The following CRADD variants were observed in gnomAD, a reference collection of about 807,000 sequenced individuals.
The protein encoded by CRADD is death domain-containing protein CRADD.
Under a neutral mutation model 15.5 loss-of-function variants are expected in CRADD, and 9 were observed. That is an observed-to-expected ratio of 0.58 (90% CI 0.35 to 1.01). The LOEUF is 1.01. Among genes scored for constraint, CRADD ranks in the 50% least tolerant of loss-of-function variants. The pLI, the probability that CRADD is intolerant of heterozygous loss-of-function variation, is 0.02. For synonymous variants in CRADD, 118 were observed against 107.6 expected (o/e 1.10, Z -0.60); for missense variants, 227 against 250.3 (o/e 0.91, Z 0.63).
At chr12:93,837,234 A>G in intron 2 of CRADD, 1 of 150,184 alleles carries the variant, frequency 6.7e-6, no homozygotes, top group Non-Finnish European at 1.5e-5. Flanking sequence ...TGTACCAGAT[A>G]TTCATTTCAC....
At position 93,857,975 on chromosome 12, in the gene CRADD, C is replaced by T. The variant is rs1410813972; in HGVS notation, c.299-36075C>T. Among the ~76,000 whole-genome samples, 4 of 152,370 alleles carry T rather than the reference C, an allele frequency of 2.6e-5. No homozygotes were observed. The South Asian group carries it at 8.3e-4, about 32-fold the overall frequency. ...CAACAATATATTTTTGTCCAACCAT[C>T]TGCTTGAATCAAGTTTCTGTCAGCC... On this transcript the variant is annotated intron_variant, in intron 2 of 2. Coordinates refer to the CRADD transcript ENST00000548483.
At chr12:93,874,010 G>C (rs964293087) in intron 2 of CRADD, among the ~76,000 whole-genome samples, 3 of 152,074 alleles carry the variant, frequency 2.0e-5, no homozygotes, top group Admixed American at 1.3e-4. Flanking sequence ...AATAGTTTGA[G>C]TAGGATTAGT....
At chr12:93,862,340 A>C (rs1958325484) in intron 2 of CRADD, among the ~76,000 whole-genome samples, 1 of 152,262 alleles carries the variant, frequency 6.6e-6, no homozygotes. Context: ...ATTCCAAGGC[A>C]ACATTGAAGT....
intron 2 of CRADD, among the ~76,000 whole-genome samples, chr12:93,748,327 T>C (rs1304244331): frequency 1.3e-5 from 2 of 152,086 alleles, no homozygotes; most frequent in Non-Finnish European, 2.9e-5. Context: ...TTATTTGAGA[T>C]GGAGTTTCAC....
intron 2 of CRADD, among the ~76,000 whole-genome samples, chr12:93,833,856 C>T (rs1214999178): frequency 6.6e-6 from 1 of 151,764 alleles, no homozygotes; most frequent in African/African-American, 2.4e-5. Context: ...GTGGTAGGCA[C>T]TGTTGCTGTT....
At chr12:93,732,114 C>T (rs536069390) in intron 2 of CRADD, among the ~76,000 whole-genome samples, 3 of 143,642 alleles carry the variant, frequency 2.1e-5, no homozygotes, top group Middle Eastern at 3.8e-3. Context: ...CCAGCCTGGG[C>T]GACAAGAGTG....
intron 2 of CRADD, among the ~76,000 whole-genome samples, chr12:93,857,886 A>G (rs1958288284): frequency 6.6e-6 from 1 of 152,214 alleles, no homozygotes; most frequent in Non-Finnish European, 1.5e-5. Flanking sequence ...CACATTGGAG[A>G]TAGTTGATTT....
intron 2 of CRADD, among the ~76,000 whole-genome samples, chr12:93,841,991 C>T (rs1016738733): frequency 3.3e-5 from 5 of 151,886 alleles, no homozygotes; most frequent in East Asian, 1.9e-4. Context: ...CAGTCACCGT[C>T]GTAAATAAAA....
intron 2 of CRADD, among the ~76,000 whole-genome samples, chr12:93,760,017 A>ATTGGATTAACCCAGCCC (rs1369163900): frequency 6.6e-6 from 1 of 152,184 alleles, no homozygotes; most frequent in Non-Finnish European, 1.5e-5. Flanking sequence ...TAATTGTATA[A>ATTGGATTAACCCAGCCC]TTGGATTAAC....
chr12:93,688,964 G>T (rs1335573016), intron 2 of CRADD, among the ~76,000 whole-genome samples: 1 of 152,092 alleles, frequency 6.6e-6, no homozygotes, highest in Non-Finnish European at 1.5e-5. Context: ...GCTGATTCCT[G>T]GTTGGTATCT....
intron 2 of CRADD, among the ~76,000 whole-genome samples, chr12:93,789,723 G>T (rs1402738292): frequency 6.6e-6 from 1 of 151,784 alleles, no homozygotes; most frequent in Non-Finnish European, 1.5e-5. Flanking sequence ...CAAATTGCAT[G>T]CTTTAAATAT....
At chr12:93,891,799 G>A (rs1275144617) in intron 2 of CRADD, among the ~76,000 whole-genome samples, 1 of 152,122 alleles carries the variant, frequency 6.6e-6, no homozygotes, top group East Asian at 1.9e-4. Context: ...TTCAGAATCT[G>A]GGCTCCTCGC....
intron 2 of CRADD, chr12:93,714,885 C>T (rs1225271101): frequency 6.6e-6 from 1 of 152,182 alleles, no homozygotes; most frequent in East Asian, 1.9e-4. Context: ...TGAATGTTTG[C>T]TCTTCTAGAC....
intron 2 of CRADD, among the ~76,000 whole-genome samples, chr12:93,720,158 T>A (rs1215930071): frequency 1.3e-5 from 2 of 152,190 alleles, no homozygotes; most frequent in East Asian, 3.8e-4. Flanking sequence ...AATATTTTTT[T>A]AAATTATCTT....
intron 2 of CRADD, among the ~76,000 whole-genome samples, chr12:93,788,043 C>T (rs1957299485): frequency 6.6e-6 from 1 of 152,140 alleles, no homozygotes; most frequent in South Asian, 2.1e-4. Context: ...TATGGCTCAT[C>T]TCATGACCAT....
chr12:93,687,765 T>G (rs1461898418), intron 2 of CRADD, among the ~76,000 whole-genome samples: 1 of 152,146 alleles, frequency 6.6e-6, no homozygotes, highest in Non-Finnish European at 1.5e-5. Context: ...ATCCTTTTAT[T>G]CCTTGAATTT....
At chr12:93,768,949 ATATT>A (rs1565906743) in intron 2 of CRADD, among the ~76,000 whole-genome samples, 1 of 151,948 alleles carries the variant, frequency 6.6e-6, no homozygotes, top group Non-Finnish European at 1.5e-5. Context: ...ACTTTACTCA[ATATT>A]TGTTTGTGAG....
chr12:93,811,003 T>C (rs1957619961), intron 2 of CRADD, among the ~76,000 whole-genome samples: 1 of 152,166 alleles, frequency 6.6e-6, no homozygotes, highest in Non-Finnish European at 1.5e-5. Flanking sequence ...TGATAAGTTA[T>C]CTTTAGTTGT....
At chr12:93,710,293 G>A (rs1956038485) in intron 2 of CRADD, among the ~76,000 whole-genome samples, 1 of 151,680 alleles carries the variant, frequency 6.6e-6, no homozygotes, top group South Asian at 2.1e-4. Context: ...ACAGCATGGT[G>A]GCTGGGTTCC....
Sources: allele counts gnomAD v4.1 joint callset (sites outside exome capture counted in the v4.1 genomes callset), GRCh38; gene constraint gnomAD v4.1.1; transcripts MANE v1.5; gene names NCBI Gene and HGNC (gene_info 2026-07-23, HGNC 2026-07-21).